Variants in TMEM135 observed in about 807,000 individuals in gnomAD.
The protein encoded by TMEM135 is transmembrane protein 135.
Under a neutral mutation model 60.3 loss-of-function variants are expected in TMEM135, and 30 were observed. The observed-to-expected ratio is 0.50, with a 90% confidence interval of 0.37 to 0.68. TMEM135 has a LOEUF of 0.68. Ranked by LOEUF, TMEM135 falls within the 30% of genes least tolerant of loss-of-function variation. The pLI is 0.00. For synonymous variants in TMEM135, 190 were observed against 186.7 expected, an observed-to-expected ratio of 1.02 and a Z score of -0.14; for missense variants, 468 against 548.8, an observed-to-expected ratio of 0.85 and a Z score of 1.47.
intron 6 of TMEM135, among the ~76,000 whole-genome samples, chr11:87,282,954 T>C (rs1276555378): frequency 2.0e-5 from 3 of 152,194 alleles, no homozygotes; most frequent in African/African-American, 4.8e-5. Flanking sequence ...GTTCAAAATC[T>C]TTGAGAGGAT....
rs1346297414 is a variant in TMEM135, at chr11:87,327,550, TAGAG to T, written c.*6223_*6226del. 2 of 452,006 alleles carry T rather than the reference TAGAG, an allele frequency of 4.4e-6. No homozygotes were observed. Among genetic ancestry groups the T allele is most frequent in the South Asian group, 3.1e-5 (2 of 64,214 alleles). The allele number at this position is 452,006 out of a possible 1,614,324, so 28.0% of individuals were successfully genotyped here. The stretch of plus-strand genomic sequence containing the variant: ...TACATAGAGAGAGATATGAGAGGGA[TAGAG>T]AGAGACACAGAGAGAGATATGAGAG... On this transcript the variant is annotated 3_prime_UTR_variant, in exon 15 of 15. Transcript: ENST00000305494.
At chr11:87,204,874 A>C (rs758243824) in intron 5 of TMEM135, among the ~76,000 whole-genome samples, 5 of 152,100 alleles carry the variant, frequency 3.3e-5, no homozygotes, top group African/African-American at 4.8e-5. Flanking sequence ...AACTTATATT[A>C]CTTGTTTTAT....
intron 11 of TMEM135, 28 bp from the exon 12 acceptor site, chr11:87,314,443 A>G: frequency 1.3e-6 from 2 of 1,557,378 alleles, no homozygotes; most frequent in Non-Finnish European, 1.8e-6. Flanking sequence ...CTGCGATCTT[A>G]TCAGTTATTT....
intron 4 of TMEM135, among the ~76,000 whole-genome samples, chr11:87,149,285 C>A (rs961502703): frequency 1.3e-5 from 2 of 152,172 alleles, no homozygotes; most frequent in Non-Finnish European, 2.9e-5. Flanking sequence ...TCAACTTTAG[C>A]TGGGCTTAAG....
intron 4 of TMEM135, among the ~76,000 whole-genome samples, chr11:87,143,688 T>G (rs1938328276): frequency 6.6e-6 from 1 of 152,200 alleles, no homozygotes; most frequent in Admixed American, 6.5e-5. Flanking sequence ...TATGCAAAAT[T>G]AAGCAGTCAG....
At chr11:87,208,015 C>A (rs191816892) in intron 5 of TMEM135, among the ~76,000 whole-genome samples, 2 of 152,226 alleles carry the variant, frequency 1.3e-5, no homozygotes, top group Non-Finnish European at 2.9e-5. Flanking sequence ...TTCAACTATA[C>A]CCAACTTGTG....
At chr11:87,303,860 G>T (rs1464974293) in intron 8 of TMEM135, among the ~76,000 whole-genome samples, 1 of 152,206 alleles carries the variant, frequency 6.6e-6, no homozygotes, top group Non-Finnish European at 1.5e-5. Context: ...AATTATATGG[G>T]TGAATGATGC....
Position 87,111,436 on chromosome 11 carries a change from A to G in TMEM135, c.396+20041A>G, listed in dbSNP as rs567355480. Among the ~76,000 whole-genome samples the G allele has an allele frequency of 3.6e-3, 544 of 151,892 alleles. 5 individuals are homozygous for G. The highest frequency in any genetic ancestry group is 0.012 in the African/African-American group (499 of 41,444). The stretch of plus-strand genomic sequence containing the variant: ...GCTGAGGCGGGTGGATCACGAGGTC[A>G]GGAGATTGAGACCATCTTGGCTAAC... On this transcript the variant is annotated intron_variant, in intron 4 of 14. Coordinates refer to ENST00000305494, the MANE Select transcript of TMEM135 (RefSeq NM_022918.4).
intron 5 of TMEM135, among the ~76,000 whole-genome samples, chr11:87,190,263 A>G (rs1939767998): frequency 6.6e-6 from 1 of 152,132 alleles, no homozygotes; most frequent in Admixed American, 6.6e-5. Context: ...CTTCCACTTT[A>G]TTTTTGGTTG....
chr11:87,189,313 A>G (rs1268389978), intron 5 of TMEM135, among the ~76,000 whole-genome samples: 1 of 152,004 alleles, frequency 6.6e-6, no homozygotes, highest in Non-Finnish European at 1.5e-5. Flanking sequence ...GGCATGTGCC[A>G]CCATGCCTGG....
chr11:87,073,217 T>A (rs1856804294), intron 3 of TMEM135, among the ~76,000 whole-genome samples: 1 of 152,078 alleles, frequency 6.6e-6, no homozygotes, highest in African/African-American at 2.4e-5. Flanking sequence ...GTATTTTTAG[T>A]AGAGACGGGG....
At chr11:87,123,263 G>A (rs1335281870) in intron 4 of TMEM135, among the ~76,000 whole-genome samples, 1 of 116,084 alleles carries the variant, frequency 8.6e-6, no homozygotes, top group Non-Finnish European at 1.9e-5. Flanking sequence ...TGTTGGCAGA[G>A]CTATGCTCCT....
At chr11:87,277,311 T>C (rs550928331) in intron 6 of TMEM135, 11 of 376,938 alleles carry the variant, frequency 2.9e-5, no homozygotes, top group African/African-American at 2.4e-4. Context: ...TTTGTATTTT[T>C]GTAGAGATGA....
At chr11:87,235,452 G>C (rs1000610806) in intron 5 of TMEM135, among the ~76,000 whole-genome samples, 1 of 151,906 alleles carries the variant, frequency 6.6e-6, no homozygotes, top group African/African-American at 2.4e-5. Context: ...CAGGCTGTAT[G>C]TATAATGCTT....
intron 4 of TMEM135, among the ~76,000 whole-genome samples, chr11:87,136,094 A>G (rs12577459): frequency 0.1 from 15,580 of 151,942 alleles, 825 homozygotes; most frequent in African/African-American, 0.12. Flanking sequence ...GCTAAAGTCA[A>G]TTTTTAGTTC....
chr11:87,208,007 C>T (rs1203489410), intron 5 of TMEM135, among the ~76,000 whole-genome samples: 2 of 152,138 alleles, frequency 1.3e-5, no homozygotes. Flanking sequence ...CAAAGCCATT[C>T]AACTATACCC....
chr11:87,226,151 A>G (rs1054099517), intron 5 of TMEM135, among the ~76,000 whole-genome samples: 8 of 152,226 alleles, frequency 5.3e-5, no homozygotes, highest in Non-Finnish European at 1.2e-4. Context: ...GAAAGAAAAG[A>G]TGCAGCTGAA....
intron 7 of TMEM135, among the ~76,000 whole-genome samples, chr11:87,298,795 A>AAAAAAAAAC (rs1942393634): frequency 6.7e-6 from 1 of 148,706 alleles, no homozygotes; most frequent in African/African-American, 2.5e-5. Context: ...TCAAAAAAAA[A>AAAAAAAAAC]AAAAAAAAAC....
intron 5 of TMEM135, among the ~76,000 whole-genome samples, chr11:87,224,185 T>C (rs1940715936): frequency 6.6e-6 from 1 of 152,204 alleles, no homozygotes; most frequent in Non-Finnish European, 1.5e-5. Flanking sequence ...TTATATGTCC[T>C]ACTTGTTGTT....
Sources: allele counts gnomAD v4.1 joint callset (sites outside exome capture counted in the v4.1 genomes callset), GRCh38; gene constraint gnomAD v4.1.1; transcripts MANE v1.5; gene names NCBI Gene and HGNC (gene_info 2026-07-23, HGNC 2026-07-21).